The following SGCD variants were observed in gnomAD, a reference collection of about 807,000 sequenced individuals.
The protein encoded by SGCD is delta-sarcoglycan.
A neutral mutation model predicts 36.6 loss-of-function variants in SGCD; 18 were observed. The observed-to-expected ratio is 0.49, with a 90% CI of 0.34 to 0.73. The LOEUF is 0.73. SGCD is among the 30% of genes least tolerant of loss of function. The pLI, the probability that SGCD is intolerant of heterozygous loss-of-function variation, is 0.01. For synonymous variants in SGCD, 133 were observed against 130.6 expected, an observed-to-expected ratio of 1.02 and a Z score of -0.12; for missense variants, 387 against 346.7, an observed-to-expected ratio of 1.12 and a Z score of -0.92.
chr5:155,808,385 C>T, the SGCD span, among the ~76,000 whole-genome samples: 4 of 152,164 alleles, frequency 2.6e-5, no homozygotes, highest in African/African-American at 2.4e-5. Context: ...ATTTTGTTCT[C>T]ATTAAAATTT....
At chr5:156,530,154 C>T in intron 4 of SGCD, among the ~76,000 whole-genome samples, 1 of 152,064 alleles carries the variant, frequency 6.6e-6, no homozygotes, top group Non-Finnish European at 1.5e-5. Context: ...ACATCAGAGT[C>T]CTGAAAATAA....
At chr5:155,969,360 G>A (rs933176170) in intron 1 of SGCD, among the ~76,000 whole-genome samples, 1 of 152,112 alleles carries the variant, frequency 6.6e-6, no homozygotes. Flanking sequence ...TGATTTATAT[G>A]TGTTTGTTTG....
chr5:155,815,943 A>G, the SGCD span, among the ~76,000 whole-genome samples: 1 of 152,210 alleles, frequency 6.6e-6, no homozygotes, highest in South Asian at 2.1e-4. Flanking sequence ...GGTCGTATTT[A>G]CAAGTAACCT....
chr5:155,962,581 A>G (rs1156269684), intron 1 of SGCD, among the ~76,000 whole-genome samples: 1 of 152,142 alleles, frequency 6.6e-6, no homozygotes, highest in Non-Finnish European at 1.5e-5. Context: ...AGCAGAAAGC[A>G]ATGAGCTGTG....
chr5:156,355,020 G>A (rs1202239441), intron 3 of SGCD, among the ~76,000 whole-genome samples: 1 of 152,170 alleles, frequency 6.6e-6, no homozygotes, highest in African/African-American at 2.4e-5. Context: ...AATTAACATT[G>A]AAGATGTCTA....
At chr5:156,089,413 G>C (rs1581092341) in intron 1 of SGCD, among the ~76,000 whole-genome samples, 1 of 152,150 alleles carries the variant, frequency 6.6e-6, no homozygotes, top group Non-Finnish European at 1.5e-5. Flanking sequence ...TGTAATGCTT[G>C]ACTTACCTTC....
rs1285602526 is a variant in SGCD at position 156,729,893 on chromosome 5, A to T, written c.576-27688A>T. On this transcript the variant is annotated intron_variant, in intron 7 of 8. Transcript: ENST00000337851. The stretch of plus-strand genomic sequence containing the variant: ...AAGCCATTCCATTTAGTTCTTCAAC[A>T]AAGGAAGTGCAAAAATCCCAAGAGG... Among the ~76,000 whole-genome samples, 3 of 152,224 alleles carry T rather than the reference A, an allele frequency of 2.0e-5. No homozygotes were observed. In the East Asian group the frequency reaches 5.8e-4, roughly 29 times the overall value.
At chr5:156,078,036 A>G (rs1032018600) in intron 1 of SGCD, among the ~76,000 whole-genome samples, 3 of 152,110 alleles carry the variant, frequency 2.0e-5, no homozygotes, top group Non-Finnish European at 4.4e-5. Flanking sequence ...TGTTACAAAC[A>G]ATAACAAAAA....
chr5:155,996,702 C>T (rs1054522941), intron 1 of SGCD, among the ~76,000 whole-genome samples: 6 of 150,482 alleles, frequency 4.0e-5, no homozygotes, highest in African/African-American at 1.5e-4. Context: ...TCACTTGAAC[C>T]TGGGAGGCAG....
chr5:155,993,425 A>C (rs1294888172), intron 1 of SGCD, among the ~76,000 whole-genome samples: 1 of 149,042 alleles, frequency 6.7e-6, no homozygotes, highest in African/African-American at 2.5e-5. Flanking sequence ...GCTTACTGCA[A>C]CCTCTGCCTC....
intron 3 of SGCD, among the ~76,000 whole-genome samples, chr5:156,239,140 C>T (rs1257813968): frequency 6.6e-6 from 1 of 152,048 alleles, no homozygotes; most frequent in Admixed American, 6.5e-5. Flanking sequence ...TGGCTCATGC[C>T]TGTAATCCCA....
At chr5:156,736,703 T>C (rs1457053958) in intron 7 of SGCD, among the ~76,000 whole-genome samples, 1 of 152,212 alleles carries the variant, frequency 6.6e-6, no homozygotes, top group Non-Finnish European at 1.5e-5. Flanking sequence ...ATCTGTTCAA[T>C]AGGGATTCTA....
chr5:156,652,557 T>C (rs1325229610), intron 7 of SGCD, among the ~76,000 whole-genome samples: 1 of 152,112 alleles, frequency 6.6e-6, no homozygotes, highest in African/African-American at 2.4e-5. Context: ...AGAGATAATT[T>C]GACTTCTTTT....
chr5:156,444,109 T>TCC (rs1753642708), intron 3 of SGCD, among the ~76,000 whole-genome samples: 1 of 96,972 alleles, frequency 1.0e-5, no homozygotes, highest in Admixed American at 1.1e-4. Context: ...TCTCTCTCTC[T>TCC]CTCTCTCCCC....
chr5:156,559,404 C>G (rs1004435140), intron 4 of SGCD, among the ~76,000 whole-genome samples: 3 of 152,056 alleles, frequency 2.0e-5, no homozygotes, highest in Non-Finnish European at 4.4e-5. Flanking sequence ...ATGAAACTTG[C>G]GAAGTAGAAC....
At chr5:156,374,542 T>C (rs1479336800) in intron 3 of SGCD, among the ~76,000 whole-genome samples, 2 of 151,838 alleles carry the variant, frequency 1.3e-5, no homozygotes, top group African/African-American at 2.4e-5. Flanking sequence ...TATTCGTTGA[T>C]GGAAGAAAAA....
At chr5:155,837,600 G>A in the SGCD span, among the ~76,000 whole-genome samples, 3 of 152,208 alleles carry the variant, frequency 2.0e-5, no homozygotes, top group African/African-American at 4.8e-5. Context: ...ATGGCATCCA[G>A]TAGCCCTCCT....
At chr5:156,619,023 C>CTT (rs536840593) in intron 6 of SGCD, among the ~76,000 whole-genome samples, 3 of 141,414 alleles carry the variant, frequency 2.1e-5, no homozygotes, top group Non-Finnish European at 3.1e-5. Context: ...GAGCCAATTC[C>CTT]TTTTTTTTTT....
intron 3 of SGCD, among the ~76,000 whole-genome samples, chr5:156,305,572 G>A (rs1767183858): frequency 6.6e-6 from 1 of 152,186 alleles, no homozygotes; most frequent in Non-Finnish European, 1.5e-5. Flanking sequence ...GAAGGGAAAT[G>A]TGGGGTCAGA....
Sources: gnomAD v4.1 joint callset for allele counts (sites outside exome capture counted in the v4.1 genomes callset) on GRCh38, gnomAD v4.1.1 for gene constraint, MANE v1.5 for transcripts, NCBI Gene and HGNC (gene_info 2026-07-23, HGNC 2026-07-21) for gene names.